The following MAP3K10 variants were observed in gnomAD, a reference collection of about 807,000 sequenced individuals.
MAP3K10 encodes the protein mitogen-activated protein kinase kinase kinase 10.
Under a neutral mutation model 75.0 loss-of-function variants are expected in MAP3K10, and 22 were observed. That is an observed-to-expected ratio of 0.29 (90% CI 0.21 to 0.42). The LOEUF (loss-of-function observed/expected upper bound fraction) is 0.42. Ranked by LOEUF, MAP3K10 falls within the 10% of genes least tolerant of loss-of-function variation. The probability of loss-of-function intolerance (pLI) is 1.00; values close to 1 mark genes in which losing one functional copy is unlikely to be tolerated. For synonymous variants in MAP3K10, 599 were observed against 612.9 expected, an observed-to-expected ratio of 0.98 and a Z score of 0.34; for missense variants, 1,165 against 1,379.8, an observed-to-expected ratio of 0.84 and a Z score of 2.47.
At position 40,213,798 on chromosome 19, in the gene MAP3K10, G is replaced by C; in HGVS notation, c.2119G>C (p.Asp707His). 7.8e-7 allele frequency: 1 copy of C among 1,274,636 alleles called. No individual in the cohort carries two copies. Among genetic ancestry groups the C allele is most frequent in the Non-Finnish European group, 9.9e-7 (1 of 1,005,912 alleles). The allele number at this position is 1,274,636 out of a possible 1,614,324, so 79.0% of individuals were successfully genotyped here. A position where few individuals can be genotyped will look rare whatever the true frequency, so the allele number is the denominator to read the frequency against. ...ADGEEQRRWL[D>H]GLFFPRAGRF... Reference sequence around the variant, plus strand: ...CGGTGAGGAGCAGCGGCGCTGGCTCGACGGCCTCTTCTTTCCCCGCGCCGG... The same window carrying C: ...CGGTGAGGAGCAGCGGCGCTGGCTCCACGGCCTCTTCTTTCCCCGCGCCGG... Residue 707 changes from aspartate (D) to histidine (H), a missense_variant, in exon 9 of 10, where the codon GAC (aspartate) becomes CAC (histidine). This residue lies in a region of MAP3K10 where 590 missense variants were observed against 586.6 expected (regional missense o/e 1.01). Coordinates refer to ENST00000253055, the MANE Select transcript of MAP3K10 (RefSeq NM_002446.4). The surrounding 1 kb of genome is among the most constrained non-coding windows in gnomAD (Gnocchi z 5.7).
Position 40,195,443 on chromosome 19 carries a change from G to GAGGA in MAP3K10, c.682+2731_682+2734dup, listed in dbSNP as rs941883953. ...AGGAATTTACAGTGGGGGCTTCCAG[G>GAGGA]AGGAGGTAACACTGAAGCCCGCCCG... is the stretch of plus-strand genomic sequence containing the variant. On this transcript the variant is annotated intron_variant, in intron 1 of 9. Coordinates refer to ENST00000253055, the MANE Select transcript of MAP3K10 (RefSeq NM_002446.4). Among the ~76,000 whole-genome samples, 38 of 147,804 alleles carry GAGGA rather than the reference G, an allele frequency of 2.6e-4. No homozygotes were observed. The South Asian group carries it at 3.5e-3, about 14-fold the overall frequency.
rs1407109756 is a variant in MAP3K10 at position 40,214,194 on chromosome 19, C to T, written c.2515C>T (p.Pro839Ser). ...PSDGALGQRG[P>S]PEPAGHGPGP... ...GGACGGGGCGCTGGGGCAGCGGGGGCCGCCCGAGCCCGCGGGCCATGGCCC... is the reference window on the plus strand; with the variant it reads ...GGACGGGGCGCTGGGGCAGCGGGGGTCGCCCGAGCCCGCGGGCCATGGCCC... The change falls in exon 9 of 10, where the codon CCG (proline) becomes TCG (serine). Residue 839 changes from proline (P) to serine (S), a missense_variant. Coordinates refer to ENST00000253055, the MANE Select transcript of MAP3K10 (RefSeq NM_002446.4). 5 of 1,436,102 alleles carry T rather than the reference C, an allele frequency of 3.5e-6. No homozygotes were observed. The South Asian group carries it at 4.4e-5, about 12-fold the overall frequency. The allele number at this position is 1,436,102 out of a possible 1,614,324, so 89.0% of individuals were successfully genotyped here. A position where few individuals can be genotyped will look rare whatever the true frequency, so the allele number is the denominator to read the frequency against.
chr19:40,213,866 C>A lies in MAP3K10; in HGVS notation c.2187C>A (p.Gly729=). The A allele has an allele frequency of 7.1e-7, 1 of 1,409,914 alleles. No individual in the cohort carries two copies. Among genetic ancestry groups the A allele is most frequent in the Non-Finnish European group, 9.2e-7 (1 of 1,088,680 alleles). The allele number at this position is 1,409,914 out of a possible 1,614,324, so 87.3% of individuals were successfully genotyped here. A position where few individuals can be genotyped will look rare whatever the true frequency, so the allele number is the denominator to read the frequency against. Residue 729 remains glycine (G), a synonymous_variant, in exon 9 of 10, where the codon GGC becomes GGA. Transcript: ENST00000253055. The surrounding 1 kb of genome is among the most constrained non-coding windows in gnomAD (Gnocchi z 5.7). ...TCAGCCCACCCGCGCGTCCCCACGG[C>A]CGCCGCGAAGACGTGGGCCCCGGCC... ...RGLSPPARPH[G]RREDVGPGLG...
Position 40,198,248 on chromosome 19 carries a change from G to T in MAP3K10, c.683-127G>T. 5.8e-6 allele frequency: 5 copies of T among 857,908 alleles called. No individual in the cohort carries two copies. Among genetic ancestry groups the T allele is most frequent in the Non-Finnish European group, 8.9e-6 (5 of 562,892 alleles). The allele number at this position is 857,908 out of a possible 1,614,324, so 53.1% of individuals were successfully genotyped here. On this transcript the variant is annotated intron_variant, in intron 1 of 9. Coordinates refer to ENST00000253055, the MANE Select transcript of MAP3K10 (RefSeq NM_002446.4). The surrounding 1 kb of genome is among the most constrained non-coding windows in gnomAD (Gnocchi z 4.3). ...GATGTTCCAGGCCAGGAAAGGACCT[G>T]CCACAGAGCGGGGCAGCCTGAGGCA...
In MAP3K10 at chr19:40,192,825, G is replaced by C. The variant is rs567404245; in HGVS notation, c.682+112G>C. ...GATGACACTGTGCCTGGAGTGAGAA[G>C]GGGCAGCAGTATGATACCTTCAGGG... On this transcript the variant is annotated intron_variant, in intron 1 of 9. Coordinates refer to ENST00000253055, the MANE Select transcript of MAP3K10 (RefSeq NM_002446.4). This position sits in a 1 kb window ranked among gnomAD's most constrained non-coding sequence, Gnocchi z 7.1. 1.2e-6 allele frequency: 1 copy of C among 855,546 alleles called. No individual in the cohort carries two copies. Among genetic ancestry groups the C allele is most frequent in the Non-Finnish European group, 1.7e-6 (1 of 577,846 alleles). The allele number at this position is 855,546 out of a possible 1,614,324, so 53.0% of individuals were successfully genotyped here.
In MAP3K10 at chr19:40,213,386, CAG is replaced by C. The variant is rs1973277254; in HGVS notation, c.1838-129_1838-128del. On this transcript the variant is annotated intron_variant, in intron 8 of 9. Coordinates refer to ENST00000253055, the MANE Select transcript of MAP3K10 (RefSeq NM_002446.4). This position sits in a 1 kb window ranked among gnomAD's most constrained non-coding sequence, Gnocchi z 5.7. ...CCTTCTCTGAGGCTTCTCCTGGAGACAGATTCAAGAACGATGCTCGTGGGTCT... is the reference window on the plus strand; with the variant it reads ...CCTTCTCTGAGGCTTCTCCTGGAGACATTCAAGAACGATGCTCGTGGGTCT... 3.4e-6 allele frequency: 5 copies of C among 1,475,750 alleles called. No individual in the cohort carries two copies. Among genetic ancestry groups the C allele is most frequent in the Non-Finnish European group, 4.5e-6 (5 of 1,116,458 alleles). 91.4% of individuals were successfully genotyped at this position (1,475,750 alleles called of 1,614,324 possible).
chr19:40,199,496 G>A (rs1012318558), intron 2 of MAP3K10, among the ~76,000 whole-genome samples: 6 of 152,142 alleles, frequency 3.9e-5, no homozygotes, highest in African/African-American at 7.2e-5. Context: ...AACCAGTCAC[G>A]AAAAGTTTGG....
In MAP3K10 at chr19:40,214,022, C is replaced by T. The variant is rs1568495450; in HGVS notation, c.2343C>T (p.Pro781=). ...PAAPSPPPSP[P]APTPTPSPST... The stretch of plus-strand genomic sequence containing the variant: ...CGCCCTCCCCACCACCCTCCCCGCC[C>T]GCGCCCACACCCACGCCCTCGCCCA... Residue 781 remains proline, a synonymous_variant, in exon 9 of 10, where the codon CCC becomes CCT. Coordinates refer to ENST00000253055, the MANE Select transcript of MAP3K10 (RefSeq NM_002446.4). 2.0e-6 allele frequency: 3 copies of T among 1,513,306 alleles called. No individual in the cohort carries two copies. The highest frequency in any genetic ancestry group is 2.8e-5 in the African/African-American group (2 of 71,042). 93.7% of individuals were successfully genotyped at this position (1,513,306 alleles called of 1,614,324 possible).
In MAP3K10 at chr19:40,205,862, A is replaced by G. The variant is rs771608574; in HGVS notation, c.1189-49A>G. On this transcript the variant is annotated intron_variant, in intron 4 of 9. Coordinates refer to ENST00000253055, the MANE Select transcript of MAP3K10 (RefSeq NM_002446.4). The surrounding 1 kb of genome is among the most constrained non-coding windows in gnomAD (Gnocchi z 4.3). The stretch of plus-strand genomic sequence containing the variant: ...CAGCAGCCCTGGGTCCCTCCCCAGG[A>G]AGCAGAGCAGCTAAGCCCCTCCCCC... The G allele has an allele frequency of 2.0e-6, 3 of 1,464,868 alleles. No homozygotes were observed. The African/African-American group carries it at 4.3e-5, about 21-fold the overall frequency. 90.7% of individuals were successfully genotyped at this position (1,464,868 alleles called of 1,614,324 possible). A position where few individuals can be genotyped will look rare whatever the true frequency, so the allele number is the denominator to read the frequency against.
rs777867872 is a variant in MAP3K10, at chr19:40,213,068, C to A, written c.1725-8C>A. 1 of 1,604,612 alleles carries A rather than the reference C, an allele frequency of 6.2e-7. No individual in the cohort carries two copies. Among genetic ancestry groups the A allele is most frequent in the Non-Finnish European group, 8.5e-7 (1 of 1,175,552 alleles). On this transcript the variant is annotated splice_polypyrimidine_tract_variant and splice_region_variant and intron_variant, in intron 7 of 9. Transcript: ENST00000253055. The surrounding 1 kb of genome is among the most constrained non-coding windows in gnomAD (Gnocchi z 5.7). ...ACTGAGGTCTCCATCTCTCCCTGGA[C>A]CCCGCAGGCTGAAGGGGCTGGGGGA... is the stretch of plus-strand genomic sequence containing the variant.
rs1218103535 is a variant in MAP3K10 at position 40,213,937 on chromosome 19, C to T, written c.2258C>T (p.Ser753Phe). 1 of 1,529,876 alleles carries T rather than the reference C, an allele frequency of 6.5e-7. No individual in the cohort carries two copies. The highest frequency in any genetic ancestry group is 1.2e-5 in the South Asian group (1 of 82,370). The allele number at this position is 1,529,876 out of a possible 1,614,324, so 94.8% of individuals were successfully genotyped here. A position where few individuals can be genotyped will look rare whatever the true frequency, so the allele number is the denominator to read the frequency against. The change falls in exon 9 of 10, where the codon TCC (serine) becomes TTC (phenylalanine). Residue 753 changes from serine (S) to phenylalanine (F), a missense_variant. Physicochemically the swap from Ser to Phe is radical, Grantham distance 155. Coordinates refer to ENST00000253055, the MANE Select transcript of MAP3K10 (RefSeq NM_002446.4). This position sits in a 1 kb window ranked among gnomAD's most constrained non-coding sequence, Gnocchi z 5.7. The stretch of plus-strand genomic sequence containing the variant: ...ACCCTCGTGTCGCTGTCGTCCGTGT[C>T]CGACTGCAACTCCACGCGTTCACTG... ...SATLVSLSSV[S>F]DCNSTRSLLR...
chr19:40,213,647 G>C lies in MAP3K10; in HGVS notation c.1968G>C (p.Pro656=). The C allele has an allele frequency of 7.3e-7, 1 of 1,362,000 alleles. No individual in the cohort carries two copies. The highest frequency in any genetic ancestry group is 9.5e-7 in the Non-Finnish European group (1 of 1,054,852). The allele number at this position is 1,362,000 out of a possible 1,614,324, so 84.4% of individuals were successfully genotyped here. A position where few individuals can be genotyped will look rare whatever the true frequency, so the allele number is the denominator to read the frequency against. ...CGCGGGCGCCGTGGGAGCCGACGCCGTCCGCGCCCCCCGCTCGGTGGGGAC... is the reference window on the plus strand; with the variant it reads ...CGCGGGCGCCGTGGGAGCCGACGCCCTCCGCGCCCCCCGCTCGGTGGGGAC... ...PGARAPWEPT[P]SAPPARWGHG... is the part of the protein sequence containing the mutation. Residue 656 remains proline, a synonymous_variant, in exon 9 of 10, where the codon CCG becomes CCC. Transcript: ENST00000253055. The surrounding 1 kb of genome is among the most constrained non-coding windows in gnomAD (Gnocchi z 5.7).
In MAP3K10 at chr19:40,215,073, C is replaced by T; in HGVS notation, c.2646C>T (p.Thr882=). ...PEFPGRPTTL[T]FAPRPRPAAS... ...TCCCAGGCCGCCCCACCACCCTGAC[C>T]TTTGCCCCGAGACCTCGGCCGGCTG... Residue 882 remains threonine (T), a synonymous_variant, in exon 10 of 10, where the codon ACC becomes ACT. Coordinates refer to ENST00000253055, the MANE Select transcript of MAP3K10 (RefSeq NM_002446.4). 6 of 1,610,714 alleles carry T rather than the reference C, an allele frequency of 3.7e-6. No individual in the cohort carries two copies. Among genetic ancestry groups the T allele is most frequent in the Non-Finnish European group, 5.1e-6 (6 of 1,178,792 alleles).
chr19:40,215,353 G>A lies in MAP3K10; in HGVS notation c.*61G>A, dbSNP rs1033078402. Reference sequence around the variant, plus strand: ...ATGTAGCGCCCCAGGCCCTGCCCCAGCCCGCCATGCCACAAGGTGGGGGAG... The same window carrying A: ...ATGTAGCGCCCCAGGCCCTGCCCCAACCCGCCATGCCACAAGGTGGGGGAG... On this transcript the variant is annotated 3_prime_UTR_variant, in exon 10 of 10. Transcript: ENST00000253055. The A allele has an allele frequency of 1.3e-4, 182 of 1,430,032 alleles. No individual in the cohort carries two copies. Among genetic ancestry groups the A allele is most frequent in the Non-Finnish European group, 1.6e-4 (171 of 1,061,864 alleles). 88.6% of individuals were successfully genotyped at this position (1,430,032 alleles called of 1,614,324 possible).
At chr19:40,194,282 C>T (rs1972867567) in intron 1 of MAP3K10, among the ~76,000 whole-genome samples, 2 of 152,046 alleles carry the variant, frequency 1.3e-5, no homozygotes, top group Admixed American at 1.3e-4. Flanking sequence ...CGCTTGAAAC[C>T]AGGAGGTGGA....
rs886896948 is a variant in MAP3K10, at chr19:40,198,519, GTC to G, written c.832_833del (p.Ser278ProfsTer7). ...GCCTGGATGGCGCCGGAGGTTATCCGTCTCTCCCTCTTCTCCAAAAGCAGTGA... is the reference window on the plus strand; with the variant it reads ...GCCTGGATGGCGCCGGAGGTTATCCGTCTCCCTCTTCTCCAAAAGCAGTGA... On this transcript the variant is annotated frameshift_variant, in exon 2 of 10. Transcript: ENST00000253055. LOFTEE classifies it high-confidence loss of function. This position sits in a 1 kb window ranked among gnomAD's most constrained non-coding sequence, Gnocchi z 4.3. 3.1e-6 allele frequency: 5 copies of G among 1,613,722 alleles called. No individual in the cohort carries two copies. The highest frequency in any genetic ancestry group is 2.5e-6 in the Non-Finnish European group (3 of 1,179,708).
chr19:40,204,494 G>A lies in MAP3K10; in HGVS notation c.873G>A (p.Val291=). Residue 291 remains valine, a synonymous_variant, in exon 3 of 10, where the codon GTG becomes GTA. Coordinates refer to ENST00000253055, the MANE Select transcript of MAP3K10 (RefSeq NM_002446.4). The surrounding 1 kb of genome is among the most constrained non-coding windows in gnomAD (Gnocchi z 4.3). ...TCTCCCCTGCCTGCAGCTTCGGGGT[G>A]CTGCTGTGGGAGCTGCTGACGGGGG... ...SKSSDVWSFG[V]LLWELLTGEV... is the part of the protein sequence containing the mutation. 1 of 1,613,256 alleles carries A rather than the reference G, an allele frequency of 6.2e-7. No individual in the cohort carries two copies.
intron 2 of MAP3K10, among the ~76,000 whole-genome samples, chr19:40,199,321 G>T (rs915737843): frequency 2.0e-5 from 3 of 152,140 alleles, no homozygotes; most frequent in African/African-American, 7.2e-5. Flanking sequence ...TGTTTTTTAA[G>T]AAAATTATAA....
chr19:40,215,402 A>T lies in MAP3K10; in HGVS notation c.*110A>T. 1 of 974,090 alleles carries T rather than the reference A, an allele frequency of 1.0e-6. No homozygotes were observed. Among genetic ancestry groups the T allele is most frequent in the Non-Finnish European group, 1.5e-6 (1 of 670,998 alleles). The allele number at this position is 974,090 out of a possible 1,614,324, so 60.3% of individuals were successfully genotyped here. A position where few individuals can be genotyped will look rare whatever the true frequency, so the allele number is the denominator to read the frequency against. On this transcript the variant is annotated 3_prime_UTR_variant, in exon 10 of 10. Coordinates refer to ENST00000253055, the MANE Select transcript of MAP3K10 (RefSeq NM_002446.4). Reference sequence around the variant, plus strand: ...AGGCCCTGGGCAGGATGTTCACTCTATTTATTGGGGAAGGAGGGAGGGGGG... The same window carrying T: ...AGGCCCTGGGCAGGATGTTCACTCTTTTTATTGGGGAAGGAGGGAGGGGGG...
Sources: gnomAD v4.1 joint callset for allele counts (sites outside exome capture counted in the v4.1 genomes callset) on GRCh38, gnomAD v4.1.1 for gene constraint, gnomAD v4.1.1 regional missense constraint, Gnocchi (gnomAD v3.1) non-coding constraint, MANE v1.5 for transcripts, NCBI Gene and HGNC (gene_info 2026-07-23, HGNC 2026-07-21) for gene names.